Variants in MTFR1 observed in about 807,000 individuals in gnomAD.
MTFR1 encodes the protein chondrocyte protein with a poly-proline region.
Under a neutral mutation model 38.8 loss-of-function variants are expected in MTFR1, and 28 were observed. That is an observed-to-expected ratio of 0.72 (90% CI 0.53 to 0.99). The LOEUF is 0.99. MTFR1 is among the 50% of genes least tolerant of loss of function. MTFR1 has a pLI of 0.00. For synonymous variants in MTFR1, 145 were observed against 137.0 expected (o/e 1.06, Z -0.41); for missense variants, 358 against 395.5 (o/e 0.91, Z 0.81).
Position 65,653,889 on chromosome 8 carries a change from A to AC in MTFR1, c.-81+9109dup, listed in dbSNP as rs1809187150. Among the ~76,000 whole-genome samples, 3 of 152,166 alleles carry AC rather than the reference A, an allele frequency of 2.0e-5. No homozygotes were observed. The South Asian group carries it at 6.2e-4, about 32-fold the overall frequency. On this transcript the variant is annotated intron_variant, in intron 1 of 7. Coordinates refer to ENST00000262146, the MANE Select transcript of MTFR1 (RefSeq NM_014637.4). Reference sequence around the variant, plus strand: ...AGACCAGCCTGGGCAACATAGTGAGACCCCATCTCTACAAAAAAGTATAAA... The same window carrying AC: ...AGACCAGCCTGGGCAACATAGTGAGACCCCCATCTCTACAAAAAAGTATAAA...
At chr8:65,646,318 A>G (rs1230222295) in intron 1 of MTFR1, among the ~76,000 whole-genome samples, 3 of 152,200 alleles carry the variant, frequency 2.0e-5, no homozygotes, top group African/African-American at 7.2e-5. Context: ...GGTAGAATTC[A>G]GAATGCTACT....
chr8:65,670,209 C>T (rs368755326), intron 2 of MTFR1, among the ~76,000 whole-genome samples, 191 bp downstream of exon 2: 10 of 152,110 alleles, frequency 6.6e-5, no homozygotes, highest in Admixed American at 2.0e-4. Flanking sequence ...AAGTAACTTT[C>T]TGGGTTACAT....
At chr8:65,713,841 G>T (rs548703119), downstream of MTFR1, among the ~76,000 whole-genome samples, 9 of 151,936 alleles carry the variant, frequency 5.9e-5, no homozygotes, top group East Asian at 1.4e-3. Flanking sequence ...ACACCACTAT[G>T]CCTGGCTAAT....
In MTFR1 at chr8:65,663,132, G is replaced by A. The variant is rs566960126; in HGVS notation, c.-80-6741G>A. 4.8e-3 allele frequency among the ~76,000 whole-genome samples: 732 copies of A among 152,322 alleles called. 6 individuals carry two copies. The highest frequency in any genetic ancestry group is 5.5e-3 in the Non-Finnish European group (374 of 68,016). On this transcript the variant is annotated intron_variant, in intron 1 of 7. Transcript: ENST00000262146. ...AAGATTGAGATATCGGATGGTTGCC[G>A]TGTCTGTGTAGAAAGAGGTAGACAT...
intron 3 of MTFR1, among the ~76,000 whole-genome samples, chr8:65,740,461 T>C (rs1315506557): frequency 2.0e-5 from 3 of 152,134 alleles, no homozygotes; most frequent in Admixed American, 1.3e-4. Context: ...AGTACAATGG[T>C]GCGATCTTGG....
rs1476908455 is a variant in MTFR1 at position 65,710,412 on chromosome 8, C to CTCTT, written c.*1370_*1373dup. 6.6e-6 allele frequency: 1 copy of CTCTT among 152,540 alleles called. No homozygotes were observed. Among genetic ancestry groups the CTCTT allele is most frequent in the African/African-American group, 2.4e-5 (1 of 41,422 alleles). 9.4% of individuals were successfully genotyped at this position (152,540 alleles called of 1,614,324 possible). A position where few individuals can be genotyped will look rare whatever the true frequency, so the allele number is the denominator to read the frequency against. ...CACCTGTTTTATATGGTTTAAAATT[C>CTCTT]TCTTTAACAAAATTCAGAAAATTCA... On this transcript the variant is annotated 3_prime_UTR_variant, in exon 8 of 8. Coordinates refer to ENST00000262146, the MANE Select transcript of MTFR1 (RefSeq NM_014637.4).
At chr8:65,705,625 A>G (rs772831239) in intron 5 of MTFR1, among the ~76,000 whole-genome samples, 1 of 152,194 alleles carries the variant, frequency 6.6e-6, no homozygotes, top group Non-Finnish European at 1.5e-5. Flanking sequence ...TCTGTGTGGT[A>G]CGTGTTGGAC....
intron 2 of MTFR1, among the ~76,000 whole-genome samples, chr8:65,678,699 G>A (rs1804787010): frequency 1.3e-5 from 2 of 151,986 alleles, no homozygotes; most frequent in African/African-American, 4.8e-5. Flanking sequence ...TCAGGAGTTC[G>A]AAACCAGCCT....
intron 2 of MTFR1, among the ~76,000 whole-genome samples, chr8:65,672,603 T>C (rs1199890866): frequency 2.6e-5 from 4 of 152,152 alleles, no homozygotes; most frequent in African/African-American, 9.7e-5. Context: ...CTCTGCCTTC[T>C]GGGTTCAGGT....
Position 65,743,839 on chromosome 8 carries a change from C to CA in MTFR1, c.*48+24358_*48+24359insA, listed in dbSNP as rs1807547740. On this transcript the variant is annotated intron_variant, in intron 3 of 3. Coordinates refer to the MTFR1 transcript ENST00000521247. Reference sequence around the variant, plus strand: ...CTGGGGCAAAACATTAGCTGAATTGCTTTTTTTTTTTTTGAGACAGTCTCG... The same window carrying CA: ...CTGGGGCAAAACATTAGCTGAATTGCATTTTTTTTTTTTTGAGACAGTCTCG... 2.1e-5 allele frequency among the ~76,000 whole-genome samples: 3 copies of CA among 145,302 alleles called. No individual in the cohort carries two copies. The South Asian group carries it at 6.5e-4, about 32-fold the overall frequency.
intron 5 of MTFR1, among the ~76,000 whole-genome samples, chr8:65,706,090 A>G (rs1378411864): frequency 1.3e-5 from 2 of 152,080 alleles, no homozygotes; most frequent in African/African-American, 2.4e-5. Context: ...ACCTCATTTG[A>G]CCTGGGCATG....
chr8:65,751,316 A>C (rs1031935062), intron 3 of MTFR1, among the ~76,000 whole-genome samples: 1 of 152,172 alleles, frequency 6.6e-6, no homozygotes, highest in Non-Finnish European at 1.5e-5. Flanking sequence ...TAATCTTTGA[A>C]TATGTAATGC....
chr8:65,709,370 AT>A lies in MTFR1; in HGVS notation c.*328del, dbSNP rs1805878154. On this transcript the variant is annotated 3_prime_UTR_variant, in exon 8 of 8. Transcript: ENST00000262146. ...TTGTGGATGTTACTGCACATTTTAAATTCTTAACACTAATTTATCTGTATAA... is the reference window on the plus strand; with the variant it reads ...TTGTGGATGTTACTGCACATTTTAAATCTTAACACTAATTTATCTGTATAA... The A allele has an allele frequency of 4.4e-6, 1 of 227,294 alleles. No individual in the cohort carries two copies. The highest frequency in any genetic ancestry group is 2.2e-5 in the African/African-American group (1 of 44,788). 14.1% of individuals were successfully genotyped at this position (227,294 alleles called of 1,614,324 possible).
chr8:65,702,499 C>T (rs1292435472), intron 4 of MTFR1, among the ~76,000 whole-genome samples: 2 of 152,028 alleles, frequency 1.3e-5, no homozygotes, highest in Non-Finnish European at 2.9e-5. Flanking sequence ...GGGGTTTCAC[C>T]ATGTTGGCCA....
intron 3 of MTFR1, among the ~76,000 whole-genome samples, chr8:65,684,848 T>C (rs564874304): frequency 3.8e-4 from 57 of 151,736 alleles, no homozygotes; most frequent in African/African-American, 1.3e-3. Flanking sequence ...CTACTAAAAA[T>C]ACAAAATTAG....
chr8:65,669,916 A>G lies in MTFR1; in HGVS notation c.-37A>G, dbSNP rs1804519909. ...TGCTGCTATGTATGCCTGAAGAAGT[A>G]CTTGAAATGCAAATTTGGGGAGACT... On this transcript the variant is annotated 5_prime_UTR_variant, in exon 2 of 8. Coordinates refer to ENST00000262146, the MANE Select transcript of MTFR1 (RefSeq NM_014637.4). 1.3e-6 allele frequency: 2 copies of G among 1,571,642 alleles called. No individual in the cohort carries two copies. Among genetic ancestry groups the G allele is most frequent in the Admixed American group, 1.8e-5 (1 of 55,162 alleles).
At chr8:65,653,816 G>A (rs867374754) in intron 1 of MTFR1, among the ~76,000 whole-genome samples, 2 of 152,168 alleles carry the variant, frequency 1.3e-5, no homozygotes, top group South Asian at 4.1e-4. Context: ...TGTAATCCCA[G>A]CAATTTGGGA....
At chr8:65,743,232 A>T (rs1326574118) in intron 3 of MTFR1, among the ~76,000 whole-genome samples, 2 of 152,186 alleles carry the variant, frequency 1.3e-5, no homozygotes, top group Non-Finnish European at 2.9e-5. Context: ...TAAGTTAGGA[A>T]AGGGGAATTT....
At chr8:65,680,820 C>T (rs927444927) in intron 2 of MTFR1, among the ~76,000 whole-genome samples, 12 of 151,170 alleles carry the variant, frequency 7.9e-5, no homozygotes, top group Admixed American at 4.6e-4. Context: ...GACAAGGTCT[C>T]GCTTTGTCAC....
Sources: gnomAD v4.1 joint callset for allele counts (sites outside exome capture counted in the v4.1 genomes callset) on GRCh38, gnomAD v4.1.1 for gene constraint, MANE v1.5 for transcripts, NCBI Gene and HGNC (gene_info 2026-07-23, HGNC 2026-07-21) for gene names.